TOMM20: variants seen among roughly 807,000 people sequenced by gnomAD.
TOMM20 encodes the protein mitochondrial import receptor subunit TOM20 homolog.
A neutral mutation model predicts 22.1 loss-of-function variants in TOMM20; 10 were observed. The ratio of observed to expected loss-of-function variants is 0.45; its 90% CI spans 0.28 to 0.77. The LOEUF (loss-of-function observed/expected upper bound fraction) is 0.77, where lower values mean the gene tolerates loss of function less well. Among genes scored for constraint, TOMM20 ranks in the 30% least tolerant of loss-of-function variants. The pLI, the probability that TOMM20 is intolerant of heterozygous loss-of-function variation, is 0.13. For synonymous variants in TOMM20, 55 were observed against 61.4 expected (o/e 0.90, Z 0.49); for missense variants, 121 against 172.2 (o/e 0.70, Z 1.66).
intron 3 of TOMM20, 28 bp from the exon 4 acceptor site, chr1:235,113,938 A>C: frequency 6.5e-7 from 1 of 1,545,132 alleles, no homozygotes; most frequent in Non-Finnish European, 8.7e-7. Flanking sequence ...AATTACATGT[A>C]ACCTGAAAAG....
rs182180921 is a variant in TOMM20, at chr1:235,115,282, A to G, written c.251-1372T>C. ...GCACTGTTCTGTATAGGAGGTTCCC[A>G]TTAAAATATTTTAATGTGCCTTACA... On this transcript the variant is annotated intron_variant, in intron 3 of 4. Transcript: ENST00000366607. 6.0e-4 allele frequency among the ~76,000 whole-genome samples: 92 copies of G among 152,330 alleles called. 1 individual carries two copies. The East Asian group carries it at 0.017, about 27-fold the overall frequency.
At chr1:235,121,092 G>A (rs775936439) in intron 2 of TOMM20, among the ~76,000 whole-genome samples, 5 of 151,806 alleles carry the variant, frequency 3.3e-5, no homozygotes, top group Non-Finnish European at 5.9e-5. Flanking sequence ...CCAGCTGCTC[G>A]GGAGGCTGAG....
rs1368163788 is a variant in TOMM20 at position 235,112,212 on chromosome 1, A to T, written c.394-104T>A. 11 of 910,274 alleles carry T rather than the reference A, an allele frequency of 1.2e-5. No individual in the cohort carries two copies. The South Asian group carries it at 1.8e-4, about 15-fold the overall frequency. 56.4% of individuals were successfully genotyped at this position (910,274 alleles called of 1,614,324 possible). A position where few individuals can be genotyped will look rare whatever the true frequency, so the allele number is the denominator to read the frequency against. On this transcript the variant is annotated intron_variant, in intron 4 of 4. Transcript: ENST00000366607. The stretch of plus-strand genomic sequence containing the variant: ...TGTATTCAAAGAATTGAATCTTAGT[A>T]AAGTTCACCCATTCTGACATTTAAT...
At position 235,128,727 on chromosome 1, in the gene TOMM20, C is replaced by A. The variant is rs954300669; in HGVS notation, c.-12G>T. The A allele has an allele frequency of 6.2e-7, 1 of 1,613,696 alleles. No individual in the cohort carries two copies. Among genetic ancestry groups the A allele is most frequent in the Non-Finnish European group, 8.5e-7 (1 of 1,179,884 alleles). ...TTCCGACCCACCATCTTCTCTACAACGCTGAGCGTGGACGGTGGCGGCAGG... is the reference window on the plus strand; with the variant it reads ...TTCCGACCCACCATCTTCTCTACAAAGCTGAGCGTGGACGGTGGCGGCAGG... On this transcript the variant is annotated 5_prime_UTR_variant, in exon 1 of 5. Transcript: ENST00000366607.
intron 3 of TOMM20, among the ~76,000 whole-genome samples, chr1:235,114,779 A>G (rs1474599084): frequency 6.6e-6 from 1 of 152,138 alleles, no homozygotes; most frequent in Non-Finnish European, 1.5e-5. Context: ...ATTATGTTTG[A>G]AAAAAATACT....
chr1:235,123,920 A>G (rs954755004), intron 1 of TOMM20, among the ~76,000 whole-genome samples: 1 of 152,260 alleles, frequency 6.6e-6, no homozygotes, highest in Non-Finnish European at 1.5e-5. Flanking sequence ...CAAAACTAGA[A>G]AAGAAATGGA....
At chr1:235,115,013 G>GT (rs1660807096) in intron 3 of TOMM20, among the ~76,000 whole-genome samples, 1 of 151,920 alleles carries the variant, frequency 6.6e-6, no homozygotes, top group Non-Finnish European at 1.5e-5. Flanking sequence ...AGGACCATAG[G>GT]TGTGCACCAC....
chr1:235,115,030 G>A (rs928027066), intron 3 of TOMM20, among the ~76,000 whole-genome samples: 13 of 151,706 alleles, frequency 8.6e-5, no homozygotes, highest in East Asian at 1.9e-4. Flanking sequence ...CCACCACACC[G>A]GGCTAATTTT....
At chr1:235,124,982 A>G (rs1362697871) in intron 1 of TOMM20, among the ~76,000 whole-genome samples, 1 of 152,184 alleles carries the variant, frequency 6.6e-6, no homozygotes, top group African/African-American at 2.4e-5. Context: ...TGCTTAATAT[A>G]TTTTTAATGT....
In TOMM20 at chr1:235,113,763, C is replaced by G; in HGVS notation, c.393+5G>C. On this transcript the variant is annotated splice_donor_5th_base_variant and intron_variant, in intron 4 of 4. Transcript: ENST00000366607. ...CTTTTATGTCATAACATTCCAATTC[C>G]TTACCTGACTAATTGTTGGGAGCTT... The G allele has an allele frequency of 1.2e-6, 2 of 1,604,814 alleles. No homozygotes were observed. Among genetic ancestry groups the G allele is most frequent in the Non-Finnish European group, 1.7e-6 (2 of 1,177,058 alleles).
intron 3 of TOMM20, among the ~76,000 whole-genome samples, chr1:235,115,073 C>T (rs66541201): frequency 0.16 from 23,876 of 151,372 alleles, 2,065 homozygotes; most frequent in Middle Eastern, 0.24. Context: ...AACGGGGTCT[C>T]ACTATGTTGC....
chr1:235,110,255 G>C lies in TOMM20; in HGVS notation c.*1809C>G, dbSNP rs1364340571. ...ACTTAAGCTGCCCCTCACTCCTCCAGCCAGCCCTCCTTTTTCTGAGCCCAT... is the reference window on the plus strand; with the variant it reads ...ACTTAAGCTGCCCCTCACTCCTCCACCCAGCCCTCCTTTTTCTGAGCCCAT... On this transcript the variant is annotated 3_prime_UTR_variant, in exon 5 of 5. Coordinates refer to ENST00000366607, the MANE Select transcript of TOMM20 (RefSeq NM_014765.3). 1 of 152,124 alleles carries C rather than the reference G, an allele frequency of 6.6e-6. No homozygotes were observed. Among genetic ancestry groups the C allele is most frequent in the East Asian group, 1.9e-4 (1 of 5,192 alleles). The allele number at this position is 152,124 out of a possible 1,614,324, so 9.4% of individuals were successfully genotyped here.
intron 3 of TOMM20, among the ~76,000 whole-genome samples, chr1:235,118,227 T>C (rs994932371): frequency 1.3e-5 from 2 of 152,264 alleles, no homozygotes; most frequent in African/African-American, 2.4e-5. Context: ...GCTACAACTT[T>C]TGCTGACTGG....
chr1:235,116,094 T>G (rs774751100), intron 3 of TOMM20, among the ~76,000 whole-genome samples: 5 of 152,158 alleles, frequency 3.3e-5, no homozygotes, highest in Non-Finnish European at 5.9e-5. Context: ...AACTAACATG[T>G]TAGCATGCAA....
At chr1:235,117,003 T>C (rs11579715) in intron 3 of TOMM20, among the ~76,000 whole-genome samples, 11,237 of 149,022 alleles carry the variant, frequency 0.075, 546 homozygotes, top group Non-Finnish European at 0.11. Context: ...GGCGTGGTGG[T>C]GGGCGCCTGT....
intron 1 of TOMM20, among the ~76,000 whole-genome samples, chr1:235,126,330 A>G (rs1661022515): frequency 2.0e-5 from 3 of 150,252 alleles, no homozygotes; most frequent in African/African-American, 7.4e-5. Flanking sequence ...TGGGGGTTTC[A>G]CCATGCTGGC....
In TOMM20 at chr1:235,114,642, T is replaced by C. The variant is rs532418671; in HGVS notation, c.251-732A>G. On this transcript the variant is annotated intron_variant, in intron 3 of 4. Coordinates refer to ENST00000366607, the MANE Select transcript of TOMM20 (RefSeq NM_014765.3). ...TTAGTAGAGACGAGGTTTCACCGTG[T>C]TAGCCAAGATGGTCTCCATCTCCTG... Among the ~76,000 whole-genome samples the C allele has an allele frequency of 9.4e-4, 143 of 152,150 alleles. 2 individuals are homozygous for C. The highest frequency in any genetic ancestry group is 3.3e-3 in the African/African-American group (138 of 41,518).
chr1:235,120,237 T>A (rs1305442329), intron 2 of TOMM20, among the ~76,000 whole-genome samples: 2 of 152,198 alleles, frequency 1.3e-5, no homozygotes, highest in African/African-American at 4.8e-5. Context: ...AATTTGTCCT[T>A]ATGATTCAAC....
In TOMM20 at chr1:235,128,786, G is replaced by C. The variant is rs1346677215; in HGVS notation, c.-71C>G. 1 of 1,603,870 alleles carries C rather than the reference G, an allele frequency of 6.2e-7. No homozygotes were observed. The highest frequency in any genetic ancestry group is 8.5e-7 in the Non-Finnish European group (1 of 1,176,160). On this transcript the variant is annotated 5_prime_UTR_variant, in exon 1 of 5. Transcript: ENST00000366607. ...AGGAGCGGTGGGCCACGAACCCTCA[G>C]AGCGGTCGGCGCAGCTCACACCCGA...
Sources: gnomAD v4.1 joint callset for allele counts (sites outside exome capture counted in the v4.1 genomes callset) on GRCh38, gnomAD v4.1.1 for gene constraint, MANE v1.5 for transcripts, NCBI Gene and HGNC (gene_info 2026-07-23, HGNC 2026-07-21) for gene names.